The following RPTOR variants were observed in gnomAD, a reference collection of about 807,000 sequenced individuals.
RPTOR encodes regulatory associated protein of MTOR complex 1.
Under a neutral mutation model 169.9 loss-of-function variants are expected in RPTOR, and 21 were observed. That is an observed-to-expected ratio of 0.12 (90% confidence interval 0.09 to 0.18). The LOEUF is 0.18. Ranked by LOEUF, RPTOR falls within the 10% of genes least tolerant of loss-of-function variation. RPTOR has a pLI of 1.00. For missense variants in RPTOR, 1,133 were observed against 1,855.9 expected (o/e 0.61, Z 7.16); for synonymous variants, 732 against 753.2 (o/e 0.97, Z 0.46).
intron 21 of RPTOR, among the ~76,000 whole-genome samples, chr17:80,917,992 C>T (rs1041446404): frequency 2.0e-5 from 3 of 152,232 alleles, no homozygotes; most frequent in African/African-American, 4.8e-5. Context: ...TTAGTTCCTG[C>T]ACCTCCACCA....
intron 24 of RPTOR, among the ~76,000 whole-genome samples, chr17:80,937,961 G>A (rs964427678): frequency 1.1e-4 from 17 of 152,204 alleles, no homozygotes; most frequent in African/African-American, 3.6e-4. Flanking sequence ...GGGTGGTTCC[G>A]GAACCGCGTC....
At chr17:80,934,295 A>G (rs2068930694) in intron 24 of RPTOR, among the ~76,000 whole-genome samples, 1 of 151,720 alleles carries the variant, frequency 6.6e-6, no homozygotes, top group Admixed American at 6.6e-5. Context: ...GATTACTACC[A>G]AACGTCATTC....
At chr17:80,654,861 G>A (rs2065667907) in intron 3 of RPTOR, among the ~76,000 whole-genome samples, 2 of 152,068 alleles carry the variant, frequency 1.3e-5, no homozygotes, top group Non-Finnish European at 2.9e-5. Flanking sequence ...CAGATAAATT[G>A]GAAAACTTGT....
intron 3 of RPTOR, among the ~76,000 whole-genome samples, chr17:80,678,699 G>A (rs1567853030): frequency 6.6e-6 from 1 of 152,236 alleles, no homozygotes; most frequent in South Asian, 2.1e-4. Context: ...TTCAGATTGT[G>A]CAGTTGTTTG....
chr17:80,808,027 G>T (rs116738244), intron 7 of RPTOR, among the ~76,000 whole-genome samples: 3,174 of 152,190 alleles, frequency 0.021, 110 homozygotes, highest in African/African-American at 0.073. Flanking sequence ...TGGCACAGTG[G>T]CTCATGCCTG....
rs188148483 is a variant in RPTOR at position 80,729,430 on chromosome 17, G to A, written c.508-1130G>A. ...AATTCCTTAAAAATGTTAGCTTTGC[G>A]TTCGGATTGTAAGTGTTTCTCAAGT... On this transcript the variant is annotated intron_variant, in intron 4 of 33. Coordinates refer to ENST00000306801, the MANE Select transcript of RPTOR (RefSeq NM_020761.3). 1.5e-3 allele frequency among the ~76,000 whole-genome samples: 221 copies of A among 152,304 alleles called. 1 individual carries two copies. The highest frequency in any genetic ancestry group is 3.4e-3 in the Middle Eastern group (1 of 294).
At chr17:80,928,144 G>A (rs184797408) in intron 24 of RPTOR, among the ~76,000 whole-genome samples, 3 of 152,278 alleles carry the variant, frequency 2.0e-5, no homozygotes, top group South Asian at 2.1e-4. Flanking sequence ...GGTCGGCGTC[G>A]TCTGTAACTC....
intron 1 of RPTOR, among the ~76,000 whole-genome samples, chr17:80,592,745 C>A (rs7210046): frequency 0.057 from 8,602 of 152,244 alleles, 810 homozygotes; most frequent in African/African-American, 0.2. Context: ...AGTATGTCTT[C>A]ACATTCCTAC....
intron 5 of RPTOR, among the ~76,000 whole-genome samples, chr17:80,745,129 G>A (rs1326184364): frequency 1.3e-5 from 2 of 152,228 alleles, no homozygotes; most frequent in African/African-American, 2.4e-5. Flanking sequence ...TTTTGATATA[G>A]AGGGTGAAGA....
intron 15 of RPTOR, 146 bp from the exon 16 acceptor site, chr17:80,883,635 A>G (rs1440835512): frequency 2.5e-6 from 3 of 1,189,374 alleles, no homozygotes; most frequent in Non-Finnish European, 2.4e-6. Flanking sequence ...CAGGCTGAAT[A>G]TGAATCAGAG....
chr17:80,559,491 T>A (rs1299167993), intron 1 of RPTOR, among the ~76,000 whole-genome samples: 1 of 152,224 alleles, frequency 6.6e-6, no homozygotes, highest in Non-Finnish European at 1.5e-5. Context: ...TGGTTCCTGT[T>A]AGTGGCGAAT....
In RPTOR at chr17:80,922,842, C is replaced by T. The variant is rs774249180; in HGVS notation, c.2624+15C>T. On this transcript the variant is annotated intron_variant, in intron 22 of 33. Transcript: ENST00000306801. Reference sequence around the variant, plus strand: ...CACCAGGCGGGGTAAGTGCCGCCCGCTCAGCCTGCAGGTCCGTGGTGGTGA... The same window carrying T: ...CACCAGGCGGGGTAAGTGCCGCCCGTTCAGCCTGCAGGTCCGTGGTGGTGA... 2.1e-5 allele frequency: 32 copies of T among 1,544,394 alleles called. No individual in the cohort carries two copies. Among genetic ancestry groups the T allele is most frequent in the Non-Finnish European group, 2.6e-5 (30 of 1,149,892 alleles).
rs1233636290 is a variant in RPTOR, at chr17:80,634,820, CATACTGTGTGT to C, written c.266-8907_266-8897del. Among the ~76,000 whole-genome samples, 443 of 128,950 alleles carry C rather than the reference CATACTGTGTGT, an allele frequency of 3.4e-3. 25 individuals are homozygous for C. The highest frequency in any genetic ancestry group is 4.6e-3 in the Non-Finnish European group (283 of 61,828). 84.6% of individuals were successfully genotyped at this position (128,950 alleles called of 152,430 possible). ...ACTGTGTGTGCATACTGTGTGTGTGCATACTGTGTGTGTGTGCATACCGTGTGTGTGCATAC... is the reference window on the plus strand; with the variant it reads ...ACTGTGTGTGCATACTGTGTGTGTGCGTGTGCATACCGTGTGTGTGCATAC... On this transcript the variant is annotated intron_variant, in intron 2 of 33. Coordinates refer to ENST00000306801, the MANE Select transcript of RPTOR (RefSeq NM_020761.3).
intron 3 of RPTOR, among the ~76,000 whole-genome samples, chr17:80,682,693 T>C (rs1163513684): frequency 6.6e-6 from 1 of 152,238 alleles, no homozygotes; most frequent in Non-Finnish European, 1.5e-5. Flanking sequence ...CTTGAGTCTA[T>C]AGAGTTTGAG....
chr17:80,776,907 C>A (rs1397182165), intron 6 of RPTOR, among the ~76,000 whole-genome samples: 2 of 152,290 alleles, frequency 1.3e-5, no homozygotes, highest in African/African-American at 4.8e-5. Flanking sequence ...TGGACCAAAT[C>A]TTTTTGGTGA....
At chr17:80,614,383 T>A (rs1467078311) in intron 1 of RPTOR, among the ~76,000 whole-genome samples, 2 of 152,248 alleles carry the variant, frequency 1.3e-5, no homozygotes, top group Non-Finnish European at 2.9e-5. Context: ...ATTGAAAGGC[T>A]CTGCTTGAAT....
intron 5 of RPTOR, among the ~76,000 whole-genome samples, chr17:80,735,159 G>T (rs2066424264): frequency 1.3e-5 from 2 of 152,212 alleles, no homozygotes; most frequent in Non-Finnish European, 2.9e-5. Flanking sequence ...GGACTTGGGG[G>T]TGGCTGTGAG....
chr17:80,620,547 C>G (rs531386162), intron 1 of RPTOR, among the ~76,000 whole-genome samples: 2 of 152,250 alleles, frequency 1.3e-5, no homozygotes, highest in African/African-American at 4.8e-5. Flanking sequence ...GCCAGATCAC[C>G]CGAGGTCAGG....
chr17:80,568,980 G>T (rs2064874642), intron 1 of RPTOR, among the ~76,000 whole-genome samples: 1 of 152,088 alleles, frequency 6.6e-6, no homozygotes, highest in Non-Finnish European at 1.5e-5. Context: ...ATGCTCTTAA[G>T]CCAACTCATC....
Sources: gnomAD v4.1 joint callset for allele counts (sites outside exome capture counted in the v4.1 genomes callset) on GRCh38, gnomAD v4.1.1 for gene constraint, MANE v1.5 for transcripts, NCBI Gene and HGNC (gene_info 2026-07-23, HGNC 2026-07-21) for gene names.